Variants in NLK observed in about 807,000 individuals in gnomAD.
NLK encodes nemo like kinase, also known as serine/threonine-protein kinase NLK.
In NLK, 11 loss-of-function variants were observed where a neutral mutation model predicts 59.0. The observed-to-expected ratio is 0.19, with a 90% confidence interval of 0.12 to 0.31. The LOEUF (loss-of-function observed/expected upper bound fraction) is 0.31, where lower values mean the gene tolerates loss of function less well. Among genes scored for constraint, NLK ranks in the 10% least tolerant of loss-of-function variants. NLK has a pLI of 1.00. For synonymous variants in NLK, 235 were observed against 235.9 expected (o/e 1.00, Z 0.03); for missense variants, 410 against 661.1 (o/e 0.62, Z 4.16).
At chr17:28,108,251 G>A (rs1905285648) in intron 1 of NLK, among the ~76,000 whole-genome samples, 1 of 151,962 alleles carries the variant, frequency 6.6e-6, no homozygotes, top group Admixed American at 6.6e-5. Context: ...ATACATTCCT[G>A]ACAATCCAAA....
chr17:28,197,411 G>A (rs1045465567), downstream of NLK, among the ~76,000 whole-genome samples: 1 of 151,404 alleles, frequency 6.6e-6, no homozygotes, highest in African/African-American at 2.4e-5. Flanking sequence ...GGAGGTTGCA[G>A]TGAGCTGAGA....
intron 4 of NLK, 96 bp from the exon 5 acceptor site, chr17:28,163,447 T>C (rs1476569372): frequency 9.9e-6 from 7 of 705,536 alleles, no homozygotes; most frequent in Non-Finnish European, 1.7e-5. Flanking sequence ...GGGAACAATT[T>C]TAAATCCTCT....
At chr17:28,155,510 G>A (rs976674416) in intron 3 of NLK, among the ~76,000 whole-genome samples, 1 of 152,178 alleles carries the variant, frequency 6.6e-6, no homozygotes, top group Non-Finnish European at 1.5e-5. Context: ...ATTCACAATA[G>A]CAAAAGACTT....
chr17:28,100,922 T>C (rs1369550145), intron 1 of NLK, among the ~76,000 whole-genome samples: 1 of 152,180 alleles, frequency 6.6e-6, no homozygotes, highest in Non-Finnish European at 1.5e-5. Context: ...ATTATTTTTC[T>C]TTTAATAATA....
At chr17:28,057,816 C>T (rs956637110) in intron 1 of NLK, among the ~76,000 whole-genome samples, 1 of 152,058 alleles carries the variant, frequency 6.6e-6, no homozygotes, top group African/African-American at 2.4e-5. Flanking sequence ...AGTAAATGAG[C>T]CATTGTTTCC....
chr17:28,149,141 G>A (rs999924849), intron 3 of NLK, among the ~76,000 whole-genome samples: 6 of 152,188 alleles, frequency 3.9e-5, no homozygotes, highest in Non-Finnish European at 8.8e-5. Flanking sequence ...GCTCACTGCA[G>A]CCTCGAACTC....
intron 3 of NLK, among the ~76,000 whole-genome samples, chr17:28,153,566 C>G (rs2142041107): frequency 6.6e-6 from 1 of 152,356 alleles, no homozygotes; most frequent in South Asian, 2.1e-4. Context: ...ACCTCTTAAT[C>G]ACATCTATTT....
intron 1 of NLK, among the ~76,000 whole-genome samples, chr17:28,109,191 A>AT (rs1289901174): frequency 1.3e-5 from 2 of 151,982 alleles, no homozygotes; most frequent in Non-Finnish European, 2.9e-5. Flanking sequence ...AAAAAAAAAA[A>AT]GATTTTTAAG....
the NLK span, among the ~76,000 whole-genome samples, chr17:28,201,979 G>A: frequency 2.0e-5 from 3 of 152,110 alleles, no homozygotes; most frequent in African/African-American, 7.2e-5. Context: ...CTGCGCCACT[G>A]CACTCTGGCC....
intron 10 of NLK, 75 bp downstream of exon 10, chr17:28,192,288 TTTG>T: frequency 2.5e-6 from 2 of 794,270 alleles, no homozygotes; most frequent in South Asian, 3.2e-5. Context: ...ATTCAGCATA[TTTG>T]TTTTTATTTA....
intron 4 of NLK, 140 bp from the exon 5 acceptor site, chr17:28,163,403 T>C (rs1908094298): frequency 1.7e-6 from 1 of 576,172 alleles, no homozygotes; most frequent in South Asian, 2.3e-5. Context: ...GAGGTGGGAC[T>C]AGCTTTTAAT....
At chr17:28,110,332 T>C (rs556814241) in intron 1 of NLK, among the ~76,000 whole-genome samples, 1 of 152,294 alleles carries the variant, frequency 6.6e-6, no homozygotes, top group Admixed American at 6.5e-5. Flanking sequence ...TTCCACTGCC[T>C]TTGACTTCCA....
chr17:28,190,229 A>G (rs567362875), intron 8 of NLK, among the ~76,000 whole-genome samples: 25 of 152,354 alleles, frequency 1.6e-4, no homozygotes, highest in Non-Finnish European at 2.9e-4. Context: ...CTGAGCTAAA[A>G]GAAGGGACAA....
chr17:28,176,199 A>C (rs1908671691), intron 7 of NLK, among the ~76,000 whole-genome samples: 1 of 152,224 alleles, frequency 6.6e-6, no homozygotes, highest in Non-Finnish European at 1.5e-5. Flanking sequence ...TTGGGGGTCT[A>C]ACTGGGGCAA....
At chr17:28,193,267 A>G (rs775960651) in intron 10 of NLK, among the ~76,000 whole-genome samples, 2 of 152,154 alleles carry the variant, frequency 1.3e-5, no homozygotes, top group Non-Finnish European at 2.9e-5. Flanking sequence ...AGAATTTAGA[A>G]GAGGTTCCTC....
chr17:28,166,531 A>G (rs1324137013), intron 5 of NLK, among the ~76,000 whole-genome samples: 1 of 152,178 alleles, frequency 6.6e-6, no homozygotes, highest in African/African-American at 2.4e-5. Context: ...TGGGGACTTC[A>G]ATTTAGAAAA....
chr17:28,158,849 GAC>G (rs1247323888), intron 3 of NLK, among the ~76,000 whole-genome samples: 4 of 152,038 alleles, frequency 2.6e-5, no homozygotes, highest in Admixed American at 1.3e-4. Context: ...TTTAAAATAA[GAC>G]ACAAACATAT....
chr17:28,092,270 G>A (rs545718420), intron 1 of NLK, among the ~76,000 whole-genome samples: 2 of 151,592 alleles, frequency 1.3e-5, no homozygotes, highest in East Asian at 3.9e-4. Flanking sequence ...AAGGCGGGGG[G>A]GTGGGGGGAG....
At chr17:28,099,566 G>C (rs747974777) in intron 1 of NLK, among the ~76,000 whole-genome samples, 23 of 138,922 alleles carry the variant, frequency 1.7e-4, no homozygotes, top group Non-Finnish European at 9.1e-5. Flanking sequence ...TTTTGTGTTT[G>C]ACTTTTTTTT....
Sources: allele counts gnomAD v4.1 joint callset (sites outside exome capture counted in the v4.1 genomes callset), GRCh38; gene constraint gnomAD v4.1.1; transcripts MANE v1.5; gene names NCBI Gene and HGNC (gene_info 2026-07-23, HGNC 2026-07-21).